AGBL1: variants seen among roughly 807,000 people sequenced by gnomAD.
AGBL1 encodes the protein cytosolic carboxypeptidase 4.
AGBL1 carries 130 observed loss-of-function variants against 118.9 expected under a neutral mutation model. The ratio of observed to expected loss-of-function variants is 1.09; its 90% CI spans 0.95 to 1.26. AGBL1 has a LOEUF of 1.26. Among genes scored for constraint, AGBL1 ranks in the 50% most tolerant of loss-of-function variants. The pLI, the probability that AGBL1 is intolerant of heterozygous loss-of-function variation, is 0.00. For missense variants in AGBL1, 1,584 were observed against 1,298.1 expected, an observed-to-expected ratio of 1.22 and a Z score of -3.38; for synonymous variants, 555 against 478.9, an observed-to-expected ratio of 1.16 and a Z score of -2.08.
chr15:86,629,223 G>C (rs2084930706), intron 21 of AGBL1, among the ~76,000 whole-genome samples: 1 of 152,062 alleles, frequency 6.6e-6, no homozygotes, highest in Non-Finnish European at 1.5e-5. Flanking sequence ...ACATTTTTAA[G>C]AAGATAAAGA....
chr15:86,198,444 T>A (rs530627518), intron 5 of AGBL1, among the ~76,000 whole-genome samples: 1 of 152,126 alleles, frequency 6.6e-6, no homozygotes, highest in African/African-American at 2.4e-5. Context: ...ATGGAGTGGA[T>A]GTACTTTGCA....
At chr15:86,951,318 C>A (rs1326148155) in intron 23 of AGBL1, among the ~76,000 whole-genome samples, 1 of 152,312 alleles carries the variant, frequency 6.6e-6, no homozygotes, top group South Asian at 2.1e-4. Context: ...TTCAGCTGTT[C>A]TACTCTTTGC....
chr15:86,479,799 G>A (rs11855080), intron 18 of AGBL1, among the ~76,000 whole-genome samples: 16,005 of 151,944 alleles, frequency 0.11, 944 homozygotes, highest in South Asian at 0.17. Context: ...TGTTTATTGC[G>A]GCACTATTCA....
At chr15:86,345,400 T>A (rs1053015213) in intron 17 of AGBL1, among the ~76,000 whole-genome samples, 1 of 152,246 alleles carries the variant, frequency 6.6e-6, no homozygotes, top group Non-Finnish European at 1.5e-5. Flanking sequence ...TTCCAGGCAC[T>A]GTGCTAGGCA....
chr15:86,086,228 C>T (rs1261039011), intron 1 of AGBL1: 2 of 152,166 alleles, frequency 1.3e-5, no homozygotes, highest in Admixed American at 1.3e-4. Flanking sequence ...GGGATGAGAA[C>T]TTGGTCTCGG....
At chr15:86,089,414 A>T (rs985588468) in intron 1 of AGBL1, among the ~76,000 whole-genome samples, 2 of 152,148 alleles carry the variant, frequency 1.3e-5, no homozygotes, top group Admixed American at 6.5e-5. Context: ...TAAGCAATAG[A>T]TGTGGAGGTT....
intron 4 of AGBL1, among the ~76,000 whole-genome samples, chr15:86,157,136 G>A (rs1244225149): frequency 6.6e-6 from 1 of 152,006 alleles, no homozygotes; most frequent in Non-Finnish European, 1.5e-5. Flanking sequence ...AAACATGGAG[G>A]ATTCATAAAA....
Position 86,907,403 on chromosome 15 carries a change from A to C in AGBL1, c.*109A>C, listed in dbSNP as rs773908463. 6.6e-6 allele frequency: 1 copy of C among 152,212 alleles called. No homozygotes were observed. The highest frequency in any genetic ancestry group is 6.5e-5 in the Admixed American group (1 of 15,290). 9.4% of individuals were successfully genotyped at this position (152,212 alleles called of 1,614,324 possible). On this transcript the variant is annotated 3_prime_UTR_variant, in exon 23 of 23. Transcript: ENST00000614907. ...ACACAATGTATATGTCAGTGCAAAA[A>C]GCCAGCCTGTGTGAGCTCAGCAACC...
At chr15:87,023,058 A>G (rs1291736025) in intron 24 of AGBL1, among the ~76,000 whole-genome samples, 1 of 152,080 alleles carries the variant, frequency 6.6e-6, no homozygotes, top group East Asian at 1.9e-4. Flanking sequence ...AATACCATTT[A>G]AAAAATGAAG....
chr15:86,617,341 C>T (rs1272696828), intron 21 of AGBL1, among the ~76,000 whole-genome samples: 1 of 152,136 alleles, frequency 6.6e-6, no homozygotes, highest in Non-Finnish European at 1.5e-5. Context: ...AAGGACTAGA[C>T]ACATGAGATT....
rs965346116 is a variant in AGBL1, at chr15:86,150,882, A to G, written c.263-3548A>G. On this transcript the variant is annotated intron_variant, in intron 3 of 22. Transcript: ENST00000614907. ...AAAATCCTCAATGAAATACTGGCAA[A>G]CCGAATCCAGCAGCACATCAAAAAG... is the stretch of plus-strand genomic sequence containing the variant. Among the ~76,000 whole-genome samples, 26 of 152,208 alleles carry G rather than the reference A, an allele frequency of 1.7e-4. 1 individual carries two copies. Among genetic ancestry groups the G allele is most frequent in the African/African-American group, 6.3e-4 (26 of 41,460 alleles).
intron 5 of AGBL1, among the ~76,000 whole-genome samples, chr15:86,164,711 G>A (rs2077313400): frequency 6.6e-6 from 1 of 152,138 alleles, no homozygotes; most frequent in Non-Finnish European, 1.5e-5. Context: ...AACTCTGCTG[G>A]CTTGCCTTGC....
chr15:86,428,246 G>C (rs992278045), intron 18 of AGBL1, among the ~76,000 whole-genome samples: 1 of 152,218 alleles, frequency 6.6e-6, no homozygotes, highest in Non-Finnish European at 1.5e-5. Flanking sequence ...GCTTTGGGTA[G>C]AAAGACTGCT....
chr15:86,337,777 G>A (rs1226963348), intron 17 of AGBL1, among the ~76,000 whole-genome samples: 1 of 152,294 alleles, frequency 6.6e-6, no homozygotes, highest in African/African-American at 2.4e-5. Context: ...CTAGGTGATA[G>A]GTTGATAAGT....
At chr15:86,637,856 G>A (rs2085122839) in intron 21 of AGBL1, among the ~76,000 whole-genome samples, 1 of 152,216 alleles carries the variant, frequency 6.6e-6, no homozygotes, top group South Asian at 2.1e-4. Flanking sequence ...CAGTGGACAT[G>A]CTTTCTGCCT....
At chr15:86,390,767 T>C (rs569466198) in intron 17 of AGBL1, among the ~76,000 whole-genome samples, 44 of 148,158 alleles carry the variant, frequency 3.0e-4, no homozygotes, top group South Asian at 8.6e-4. Flanking sequence ...CCTATTGAGT[T>C]CTAGCGATTC....
intron 5 of AGBL1, among the ~76,000 whole-genome samples, chr15:86,178,458 C>T (rs1248935802): frequency 6.6e-6 from 1 of 152,194 alleles, no homozygotes; most frequent in Non-Finnish European, 1.5e-5. Flanking sequence ...CTACGAACAA[C>T]TTTGTGCCAA....
rs999483899 is a variant in AGBL1 at position 86,650,893 on chromosome 15, T to C, written c.2995-23380T>C. ...CTGCCAAGGACAAATTCCAAGTAGG[T>C]TTGATTTGGGGATTTCATTGACTTC... is the stretch of plus-strand genomic sequence containing the variant. On this transcript the variant is annotated intron_variant, in intron 21 of 22. Coordinates refer to ENST00000614907, the MANE Select transcript of AGBL1 (RefSeq NM_001386094.1). Among the ~76,000 whole-genome samples the C allele has an allele frequency of 3.9e-5, 6 of 152,156 alleles. No homozygotes were observed. In the South Asian group the frequency reaches 8.3e-4, roughly 21 times the overall value.
At chr15:86,636,285 C>T (rs1054506275) in intron 21 of AGBL1, among the ~76,000 whole-genome samples, 3 of 152,022 alleles carry the variant, frequency 2.0e-5, no homozygotes, top group African/African-American at 7.2e-5. Context: ...TCTTTAGTTT[C>T]TTAATAAATA....
Sources: gnomAD v4.1 joint callset for allele counts (sites outside exome capture counted in the v4.1 genomes callset) on GRCh38, gnomAD v4.1.1 for gene constraint, MANE v1.5 for transcripts, NCBI Gene and HGNC (gene_info 2026-07-23, HGNC 2026-07-21) for gene names.